The following PRR11 variants were observed in gnomAD, a reference collection of about 807,000 sequenced individuals.
PRR11 encodes proline-rich protein 11.
Under a neutral mutation model 45.6 loss-of-function variants are expected in PRR11, and 30 were observed. The ratio of observed to expected loss-of-function variants is 0.66; its 90% CI spans 0.49 to 0.89. PRR11 has a LOEUF of 0.89. PRR11 is among the 40% of genes least tolerant of loss of function. The probability of loss-of-function intolerance (pLI) is 0.00; values close to 1 mark genes in which losing one functional copy is unlikely to be tolerated. For missense variants in PRR11, 373 were observed against 424.8 expected (o/e 0.88, Z 1.07); for synonymous variants, 128 against 153.5 (o/e 0.83, Z 1.23).
In PRR11 at chr17:59,201,709, A is replaced by C; in HGVS notation, c.*78A>C. On this transcript the variant is annotated 3_prime_UTR_variant, in exon 10 of 10. Coordinates refer to ENST00000262293, the MANE Select transcript of PRR11 (RefSeq NM_018304.4). ...CACCCAGCTGGGTGCAGTGGCTCAC[A>C]CCTGTAATCCCAGCACTTTGGGAGG... The C allele has an allele frequency of 6.9e-7, 1 of 1,450,780 alleles. No homozygotes were observed. Among genetic ancestry groups the C allele is most frequent in the Non-Finnish European group, 9.6e-7 (1 of 1,038,610 alleles). The allele number at this position is 1,450,780 out of a possible 1,614,324, so 89.9% of individuals were successfully genotyped here. A position where few individuals can be genotyped will look rare whatever the true frequency, so the allele number is the denominator to read the frequency against.
At chr17:59,163,317 A>G (rs376340176) in intron 1 of PRR11, among the ~76,000 whole-genome samples, 2 of 152,202 alleles carry the variant, frequency 1.3e-5, no homozygotes, top group Middle Eastern at 3.4e-3. Context: ...TCGGGACCTC[A>G]GGTGATCCTC....
intron 2 of PRR11, among the ~76,000 whole-genome samples, chr17:59,172,064 G>A (rs573955825): frequency 1.3e-5 from 2 of 152,166 alleles, no homozygotes; most frequent in African/African-American, 4.8e-5. Context: ...ATAATTCGAT[G>A]GCCAACATTT....
At position 59,194,860 on chromosome 17, in the gene PRR11, GA is replaced by G; in HGVS notation, c.744+6del. Reference sequence around the variant, plus strand: ...AGTTTAGATGAAAAGAGGAAGGTAAGATGTCATTGACCACATACATGCTCTT... The same window carrying G: ...AGTTTAGATGAAAAGAGGAAGGTAAGTGTCATTGACCACATACATGCTCTT... On this transcript the variant is annotated splice_donor_region_variant and intron_variant, in intron 6 of 9. Transcript: ENST00000262293. The G allele has an allele frequency of 6.2e-7, 1 of 1,605,208 alleles. No individual in the cohort carries two copies. The highest frequency in any genetic ancestry group is 8.5e-7 in the Non-Finnish European group (1 of 1,172,348).
In PRR11 at chr17:59,203,339, C is replaced by G. The variant is rs1252281889; in HGVS notation, c.*1708C>G. 1 of 152,212 alleles carries G rather than the reference C, an allele frequency of 6.6e-6. No individual in the cohort carries two copies. Among genetic ancestry groups the G allele is most frequent in the Non-Finnish European group, 1.5e-5 (1 of 68,096 alleles). The allele number at this position is 152,212 out of a possible 1,614,324, so 9.4% of individuals were successfully genotyped here. A position where few individuals can be genotyped will look rare whatever the true frequency, so the allele number is the denominator to read the frequency against. On this transcript the variant is annotated 3_prime_UTR_variant, in exon 10 of 10. Transcript: ENST00000262293. Reference sequence around the variant, plus strand: ...TCCCAGGTTCAAGCAATTCTCCTGCCTCAGCCTCCTGAGTAGCTGGGATTA... The same window carrying G: ...TCCCAGGTTCAAGCAATTCTCCTGCGTCAGCCTCCTGAGTAGCTGGGATTA...
chr17:59,179,953 A>G, intron 2 of PRR11: 1 of 1,229,984 alleles, frequency 8.1e-7, no homozygotes, highest in Non-Finnish European at 1.2e-6. Flanking sequence ...AAAACGCCAA[A>G]CCACTCTCCA....
rs901185119 is a variant in PRR11, at chr17:59,203,450, C to G, written c.*1819C>G. On this transcript the variant is annotated 3_prime_UTR_variant, in exon 10 of 10. Transcript: ENST00000262293. ...ATGTTGGCCAGGCTGGTCTTGAACT[C>G]CTCACCTCAGGTGATCCACCCATCT... 13 of 152,332 alleles carry G rather than the reference C, an allele frequency of 8.5e-5. No individual in the cohort carries two copies. Among genetic ancestry groups the G allele is most frequent in the African/African-American group, 2.9e-4 (12 of 41,558 alleles). The allele number at this position is 152,332 out of a possible 1,614,324, so 9.4% of individuals were successfully genotyped here.
chr17:59,171,002 G>A (rs1047826937), intron 2 of PRR11, among the ~76,000 whole-genome samples: 17 of 152,280 alleles, frequency 1.1e-4, no homozygotes, highest in African/African-American at 3.6e-4. Context: ...GCTCATGCCC[G>A]TAATCCTAGC....
At chr17:59,188,079 A>G (rs1274023748) in intron 4 of PRR11, among the ~76,000 whole-genome samples, 1 of 152,200 alleles carries the variant, frequency 6.6e-6, no homozygotes, top group African/African-American at 2.4e-5. Flanking sequence ...ATACCTAGCA[A>G]CTAGGGAACC....
intron 2 of PRR11, among the ~76,000 whole-genome samples, chr17:59,170,669 A>G (rs143872929): frequency 1.3e-3 from 202 of 152,296 alleles, no homozygotes; most frequent in Non-Finnish European, 2.6e-3. Flanking sequence ...TCCTCCCACC[A>G]TGACCTCCAA....
rs149198533 is a variant in PRR11, at chr17:59,205,872, C to A, written c.*4241C>A. ...ACCAGCCTGGCCAACATGGTGAAAC[C>A]CCGTCTCTACCAAAAAAAATATATA... On this transcript the variant is annotated 3_prime_UTR_variant, in exon 10 of 10. Coordinates refer to ENST00000262293, the MANE Select transcript of PRR11 (RefSeq NM_018304.4). 6.6e-3 allele frequency among the ~76,000 whole-genome samples: 943 copies of A among 142,350 alleles called. 7 individuals carry two copies. The highest frequency in any genetic ancestry group is 0.024 in the African/African-American group (886 of 37,056). The allele number at this position is 142,350 out of a possible 152,430, so 93.4% of individuals were successfully genotyped here.
chr17:59,169,295 T>A (rs1197791614), intron 1 of PRR11, among the ~76,000 whole-genome samples: 2 of 151,728 alleles, frequency 1.3e-5, no homozygotes, highest in African/African-American at 4.8e-5. Context: ...ACGGGGTTTC[T>A]CCACGTTGGT....
rs754060000 is a variant in PRR11 at position 59,185,544 on chromosome 17, G to C, written c.384G>C (p.Lys128Asn). Reference protein sequence around the residue: ...QFCILESKLCKLQEALKTISE... With the variant: ...QFCILESKLCNLQEALKTISE... ...GCATTTTGGAAAGTAAATTATGCAA[G>C]CTCCAGGAAGCACTGAAGGTTGGTA... Residue 128 changes from lysine to asparagine, a missense_variant, in exon 4 of 10, where the codon AAG (lysine) becomes AAC (asparagine). Transcript: ENST00000262293. 23 of 1,607,888 alleles carry C rather than the reference G, an allele frequency of 1.4e-5. No individual in the cohort carries two copies. The highest frequency in any genetic ancestry group is 2.7e-5 in the African/African-American group (2 of 74,188).
intron 4 of PRR11, among the ~76,000 whole-genome samples, chr17:59,190,171 T>G (rs555776356): frequency 5.8e-4 from 88 of 151,990 alleles, no homozygotes; most frequent in Middle Eastern, 3.4e-3. Flanking sequence ...GGGAGGAGGA[T>G]GATATAGAAT....
intron 4 of PRR11, among the ~76,000 whole-genome samples, chr17:59,190,315 CA>C (rs1253635977): frequency 1.2e-4 from 18 of 151,842 alleles, no homozygotes; most frequent in Middle Eastern, 3.4e-3. Context: ...ACTAAAAATA[CA>C]AAAAAATTAG....
intron 2 of PRR11, among the ~76,000 whole-genome samples, chr17:59,179,461 T>C (rs771808740): frequency 2.1e-4 from 32 of 152,122 alleles, no homozygotes; most frequent in Non-Finnish European, 3.1e-4. Flanking sequence ...CTTATCCCAA[T>C]TGCCAACCTA....
rs755095547 is a variant in PRR11 at position 59,185,077 on chromosome 17, T to G, written c.152T>G (p.Ile51Arg). ...PERVGISSID[I>R]SQSRSWLTSS... ...AGAGTCGGTATTTCTTCAATAGATA[T>G]ATCTCAAAGCAGAAGCTGGCTAACA... The change falls in exon 3 of 10, where the codon ATA becomes AGA. Residue 51 changes from isoleucine to arginine, a missense_variant. Ile to Arg is a moderately conservative substitution (Grantham distance 97). Transcript: ENST00000262293. 1 of 1,613,026 alleles carries G rather than the reference T, an allele frequency of 6.2e-7. No homozygotes were observed. The highest frequency in any genetic ancestry group is 1.7e-5 in the Admixed American group (1 of 59,950).
intron 2 of PRR11, among the ~76,000 whole-genome samples, chr17:59,176,987 G>T (rs949833367): frequency 1.3e-5 from 2 of 152,068 alleles, no homozygotes; most frequent in Non-Finnish European, 2.9e-5. Context: ...GTGAGCCACC[G>T]CGCCCAGCCT....
intron 1 of PRR11, among the ~76,000 whole-genome samples, chr17:59,164,622 T>G (rs1291038114): frequency 6.6e-6 from 1 of 152,082 alleles, no homozygotes; most frequent in African/African-American, 2.4e-5. Context: ...AGATAGAAGT[T>G]TCCAGTGGCA....
rs889685734 is a variant in PRR11, at chr17:59,184,857, T to G, written c.129-197T>G. ...ACCACCATGCCTGATTAAGTTTTTT[T>G]TTTTTTTTTTTTTTTTTTTGGCAGG... On this transcript the variant is annotated intron_variant, in intron 2 of 9. Transcript: ENST00000262293. 8.5e-5 allele frequency among the ~76,000 whole-genome samples: 12 copies of G among 140,822 alleles called. No individual in the cohort carries two copies. The East Asian group carries it at 2.5e-3, about 29-fold the overall frequency. 92.4% of individuals were successfully genotyped at this position (140,822 alleles called of 152,430 possible). A position where few individuals can be genotyped will look rare whatever the true frequency, so the allele number is the denominator to read the frequency against.
Sources: allele counts gnomAD v4.1 joint callset (sites outside exome capture counted in the v4.1 genomes callset), GRCh38; gene constraint gnomAD v4.1.1; transcripts MANE v1.5; gene names NCBI Gene and HGNC (gene_info 2026-07-23, HGNC 2026-07-21).